ABCG1: variants seen among roughly 807,000 people sequenced by gnomAD.
The protein encoded by ABCG1 is ATP-binding cassette sub-family G member 1.
A neutral mutation model predicts 69.2 loss-of-function variants in ABCG1; 29 were observed. The ratio of observed to expected loss-of-function variants is 0.42; its 90% CI spans 0.31 to 0.57. ABCG1 has a LOEUF of 0.57. Ranked by LOEUF, ABCG1 falls within the 20% of genes least tolerant of loss-of-function variation. ABCG1 has a pLI of 0.15. For synonymous variants in ABCG1, 370 were observed against 374.8 expected, an observed-to-expected ratio of 0.99 and a Z score of 0.15; for missense variants, 718 against 898.1, an observed-to-expected ratio of 0.80 and a Z score of 2.56.
In ABCG1 at chr21:42,287,996, G is replaced by A; in HGVS notation, c.1081G>A (p.Ala361Thr). 2 of 1,613,358 alleles carry A rather than the reference G, an allele frequency of 1.2e-6. No homozygotes were observed. Among genetic ancestry groups the A allele is most frequent in the Non-Finnish European group, 1.7e-6 (2 of 1,179,518 alleles). ...SDHKRDLGGD[A>T]EVNPFLWHRP... The stretch of plus-strand genomic sequence containing the variant: ...CCACAAGAGAGACCTCGGGGGTGAT[G>A]CCGAGGTGAACCCTTTTCTTTGGCA... Residue 361 changes from alanine to threonine, a missense_variant, in exon 9 of 15, where the codon GCC becomes ACC. Physicochemically the swap from Ala to Thr is moderately conservative, Grantham distance 58 (BLOSUM62 0). This residue lies in a region of ABCG1 where 514 missense variants were observed against 574.3 expected (regional missense o/e 0.90). Transcript: ENST00000398449. The surrounding 1 kb of genome is among the most constrained non-coding windows in gnomAD (Gnocchi z 6.2).
chr21:42,268,789 C>A (rs73905598), intron 2 of ABCG1, among the ~76,000 whole-genome samples: 84 of 152,242 alleles, frequency 5.5e-4, no homozygotes, highest in African/African-American at 2.0e-3. Flanking sequence ...CAGCCTGAGA[C>A]CACCTGTCCT....
At position 42,273,061 on chromosome 21, in the gene ABCG1, G is replaced by A. The variant is rs1051646799; in HGVS notation, c.405-242G>A. ...CCTTAGTATAAACACACCATCCCAC[G>A]GAGGCCTGTGTGCAGCTTCCTCTTC... On this transcript the variant is annotated intron_variant, in intron 3 of 14. Transcript: ENST00000398449. The surrounding 1 kb of genome is among the most constrained non-coding windows in gnomAD (Gnocchi z 5.3). Among the ~76,000 whole-genome samples, 1 of 152,214 alleles carries A rather than the reference G, an allele frequency of 6.6e-6. No homozygotes were observed. Among genetic ancestry groups the A allele is most frequent in the South Asian group, 2.1e-4 (1 of 4,834 alleles).
intron 2 of ABCG1, chr21:42,259,590 A>G: frequency 6.8e-7 from 1 of 1,460,648 alleles, no homozygotes. Context: ...GCCTCTGCGG[A>G]GCTGGCCATT....
intron 2 of ABCG1, among the ~76,000 whole-genome samples, chr21:42,265,390 C>T (rs2068485335): frequency 6.6e-6 from 1 of 152,186 alleles, no homozygotes; most frequent in Non-Finnish European, 1.5e-5. Context: ...AAGATGAGGT[C>T]ATGCTGAAGT....
chr21:42,207,072 T>C (rs1183961394), intron 2 of ABCG1: 1 of 152,222 alleles, frequency 6.6e-6, no homozygotes, highest in Non-Finnish European at 1.5e-5. Flanking sequence ...TGTCTTGGTA[T>C]AGTTTTATTT....
At chr21:42,257,237 A>G (rs991519447) in intron 2 of ABCG1, among the ~76,000 whole-genome samples, 1 of 152,200 alleles carries the variant, frequency 6.6e-6, no homozygotes, top group African/African-American at 2.4e-5. Flanking sequence ...GTCATGCCCC[A>G]GGCCAATTCC....
At chr21:42,241,977 C>CAAAAAAA (rs35823612) in intron 2 of ABCG1, among the ~76,000 whole-genome samples, 42 of 94,232 alleles carry the variant, frequency 4.5e-4, no homozygotes, top group African/African-American at 1.5e-3. Context: ...GACCCTGTCT[C>CAAAAAAA]AAAAAAAAAA....
At position 42,225,923 on chromosome 21, in the gene ABCG1, G is replaced by A. The variant is rs1388644983; in HGVS notation, c.286+9G>A. The stretch of plus-strand genomic sequence containing the variant: ...CTGGTGGAGGAAGAAAGGTAGGGAG[G>A]GCGGCTGCTTTGTGTATCAAGCTGG... On this transcript the variant is annotated intron_variant, in intron 2 of 14. Coordinates refer to ENST00000398449, the MANE Select transcript of ABCG1 (RefSeq NM_016818.3). 1.2e-6 allele frequency: 2 copies of A among 1,609,416 alleles called. No individual in the cohort carries two copies. Among genetic ancestry groups the A allele is most frequent in the African/African-American group, 1.3e-5 (1 of 74,730 alleles).
intron 3 of ABCG1, 126 bp downstream of exon 3, chr21:42,271,313 G>C (rs2068613516): frequency 5.3e-6 from 3 of 570,564 alleles, no homozygotes. Context: ...TAGTCCAGGG[G>C]AGAGAGTGAC....
intron 2 of ABCG1, among the ~76,000 whole-genome samples, chr21:42,210,075 C>T (rs1225783135): frequency 5.3e-5 from 8 of 152,180 alleles, no homozygotes; most frequent in Non-Finnish European, 1.0e-4. Flanking sequence ...CTCTACTTCC[C>T]TGGGGGTGTT....
chr21:42,265,582 C>T (rs2068489156), intron 2 of ABCG1, among the ~76,000 whole-genome samples: 4 of 152,162 alleles, frequency 2.6e-5, no homozygotes. Context: ...GAGGTCCTCC[C>T]CTAGCACGTT....
intron 2 of ABCG1, among the ~76,000 whole-genome samples, chr21:42,230,884 C>A (rs1432024867): frequency 1.3e-5 from 2 of 152,160 alleles, no homozygotes; most frequent in South Asian, 2.1e-4. Context: ...AGAGACGTGA[C>A]CAAGGTCATA....
chr21:42,211,328 G>C (rs773889590), upstream of ABCG1, among the ~76,000 whole-genome samples: 1 of 152,044 alleles, frequency 6.6e-6, no homozygotes. Flanking sequence ...CCAGCCTTAT[G>C]CTGCTGCCCT....
chr21:42,290,969 C>A, intron 11 of ABCG1, 123 bp from the exon 12 acceptor site: 1 of 675,116 alleles, frequency 1.5e-6, no homozygotes. Flanking sequence ...TTTGTTCAAT[C>A]TCTCAGTGCC....
intron 6 of ABCG1, 63 bp from the exon 7 acceptor site, chr21:42,284,497 A>T: frequency 6.3e-7 from 1 of 1,588,898 alleles, no homozygotes; most frequent in Non-Finnish European, 8.5e-7. Context: ...GGACCCCCGG[A>T]ACCTGGGGCA....
chr21:42,286,157 C>T lies in ABCG1; in HGVS notation c.973+163C>T, dbSNP rs1041343876. On this transcript the variant is annotated intron_variant, in intron 8 of 14. Transcript: ENST00000398449. ...TTTAAAGAACAAAAAAATTAGGTTT[C>T]ATTTCCTCTAGACTCTAGGTAAAAT... 27 of 594,374 alleles carry T rather than the reference C, an allele frequency of 4.5e-5. No homozygotes were observed. The African/African-American group carries it at 4.7e-4, about 10-fold the overall frequency. The allele number at this position is 594,374 out of a possible 1,614,324, so 36.8% of individuals were successfully genotyped here.
chr21:42,242,392 T>A (rs900270213), intron 2 of ABCG1, among the ~76,000 whole-genome samples: 2 of 152,174 alleles, frequency 1.3e-5, no homozygotes, highest in Admixed American at 6.5e-5. Context: ...TCCCAGCTAC[T>A]GAGGAGGCTG....
rs1017847751 is a variant in ABCG1 at position 42,219,565 on chromosome 21, C to A, written c.42+261C>A. 3.3e-5 allele frequency among the ~76,000 whole-genome samples: 5 copies of A among 151,878 alleles called. No homozygotes were observed. Among genetic ancestry groups the A allele is most frequent in the African/African-American group, 1.2e-4 (5 of 41,404 alleles). ...GGGGCCGGGAGTGGGGCGGGGGCAG[C>A]GAGTTGCCCTACAAGTTGGACCGAT... On this transcript the variant is annotated intron_variant, in intron 1 of 14. Coordinates refer to ENST00000398449, the MANE Select transcript of ABCG1 (RefSeq NM_016818.3). This position sits in a 1 kb window ranked among gnomAD's most constrained non-coding sequence, Gnocchi z 5.3.
chr21:42,217,679 CTTTTTTTTTTTTTTTT>C (rs71190409), upstream of ABCG1, among the ~76,000 whole-genome samples: 11 of 61,596 alleles, frequency 1.8e-4, no homozygotes, highest in East Asian at 6.2e-4. Context: ...TGGATCTACT[CTTTTTTTTTTTTTTTT>C]TTTTTTTTTT....
Sources: allele counts gnomAD v4.1 joint callset (sites outside exome capture counted in the v4.1 genomes callset), GRCh38; gene constraint gnomAD v4.1.1; regional missense constraint gnomAD v4.1.1; non-coding constraint Gnocchi (gnomAD v3.1); transcripts MANE v1.5; gene names NCBI Gene and HGNC (gene_info 2026-07-23, HGNC 2026-07-21).